The following MBOAT2 variants were observed in gnomAD, a reference collection of about 807,000 sequenced individuals.
MBOAT2 encodes the protein membrane-bound glycerophospholipid O-acyltransferase 2.
In MBOAT2, 28 loss-of-function variants were observed where a neutral mutation model predicts 63.4. That is an observed-to-expected ratio of 0.44 (90% CI 0.33 to 0.61). MBOAT2 has a LOEUF of 0.61. MBOAT2 is among the 20% of genes least tolerant of loss of function. MBOAT2 has a pLI of 0.03. For missense variants in MBOAT2, 470 were observed against 605.8 expected, an observed-to-expected ratio of 0.78 and a Z score of 2.35; for synonymous variants, 211 against 215.6, an observed-to-expected ratio of 0.98 and a Z score of 0.19.
chr2:8,858,058 G>C lies in MBOAT2; in HGVS notation c.*621C>G, dbSNP rs981868013. Reference sequence around the variant, plus strand: ...CAAAATCAGCTACCTATAATTTGGCGTCCATTACTGTTTACAGTTTCACTA... The same window carrying C: ...CAAAATCAGCTACCTATAATTTGGCCTCCATTACTGTTTACAGTTTCACTA... On this transcript the variant is annotated 3_prime_UTR_variant, in exon 13 of 13. Coordinates refer to ENST00000305997, the MANE Select transcript of MBOAT2 (RefSeq NM_138799.4). 1 of 152,606 alleles carries C rather than the reference G, an allele frequency of 6.6e-6. No homozygotes were observed. Among genetic ancestry groups the C allele is most frequent in the Non-Finnish European group, 1.5e-5 (1 of 68,038 alleles). 9.5% of individuals were successfully genotyped at this position (152,606 alleles called of 1,614,324 possible). A position where few individuals can be genotyped will look rare whatever the true frequency, so the allele number is the denominator to read the frequency against.
intron 9 of MBOAT2, among the ~76,000 whole-genome samples, chr2:8,865,993 C>T (rs1356011041): frequency 1.3e-5 from 2 of 151,990 alleles, no homozygotes; most frequent in Non-Finnish European, 2.9e-5. Flanking sequence ...ACCGAAATCG[C>T]GCCACCGCAC....
At chr2:8,926,803 T>C (rs1573071428) in intron 3 of MBOAT2, among the ~76,000 whole-genome samples, 1 of 152,180 alleles carries the variant, frequency 6.6e-6, no homozygotes, top group South Asian at 2.1e-4. Flanking sequence ...GAGATGCAGG[T>C]ACCAGATGGT....
chr2:8,953,068 G>A (rs374545237), intron 2 of MBOAT2, among the ~76,000 whole-genome samples: 4 of 152,112 alleles, frequency 2.6e-5, no homozygotes, highest in African/African-American at 9.7e-5. Flanking sequence ...CAGGGTCTGT[G>A]GGCTATATAT....
At chr2:8,974,522 C>T in intron 1 of MBOAT2, 1 of 433,212 alleles carries the variant, frequency 2.3e-6, no homozygotes, top group Non-Finnish European at 4.7e-6. Flanking sequence ...TTAACCAATC[C>T]AGAAAGCATG....
Position 9,001,924 on chromosome 2 carries a change from T to C in MBOAT2, c.75+1616A>G, listed in dbSNP as rs779058566. Among the ~76,000 whole-genome samples the C allele has an allele frequency of 8.5e-4, 129 of 151,972 alleles. 1 individual carries two copies. Among genetic ancestry groups the C allele is most frequent in the Non-Finnish European group, 1.6e-3 (109 of 68,004 alleles). On this transcript the variant is annotated intron_variant, in intron 1 of 12. Transcript: ENST00000305997. ...CCCATCTCTCTGAAAGAAATGTAAA[T>C]ATATAAACCTATCTCCCTTGCTCCT... is the stretch of plus-strand genomic sequence containing the variant.
chr2:8,888,211 T>C (rs1663707689), intron 4 of MBOAT2, 138 bp from the exon 5 acceptor site: 1 of 726,748 alleles, frequency 1.4e-6, no homozygotes, highest in Non-Finnish European at 2.3e-6. Context: ...CTCCAAGGGA[T>C]TTCAGCAATA....
chr2:8,976,576 CT>C (rs1280756694), intron 1 of MBOAT2, among the ~76,000 whole-genome samples: 3 of 152,162 alleles, frequency 2.0e-5, no homozygotes, highest in African/African-American at 7.2e-5. Flanking sequence ...TCTCCAAACA[CT>C]GTCAAGCTTG....
chr2:8,964,930 T>C (rs1053397042), intron 1 of MBOAT2, among the ~76,000 whole-genome samples: 1 of 152,250 alleles, frequency 6.6e-6, no homozygotes, highest in Admixed American at 6.5e-5. Flanking sequence ...CTTTTTCTCA[T>C]TGACTTCTTT....
At chr2:8,982,453 C>T (rs1166646645) in intron 1 of MBOAT2, among the ~76,000 whole-genome samples, 1 of 152,146 alleles carries the variant, frequency 6.6e-6, no homozygotes, top group East Asian at 1.9e-4. Context: ...CCAATATATA[C>T]TTTGGTCAGA....
chr2:8,896,938 T>C (rs993638137), intron 4 of MBOAT2, among the ~76,000 whole-genome samples: 1 of 152,234 alleles, frequency 6.6e-6, no homozygotes, highest in African/African-American at 2.4e-5. Context: ...TAAGGATTTT[T>C]GATAGGAAGG....
At chr2:8,887,433 G>A (rs1237120595) in intron 5 of MBOAT2, among the ~76,000 whole-genome samples, 2 of 152,104 alleles carry the variant, frequency 1.3e-5, no homozygotes, top group South Asian at 2.1e-4. Flanking sequence ...TGGAGACACA[G>A]TAGGGCTCAA....
At chr2:8,936,786 C>CAAAAAAAAAAAAAAA (rs745694357) in intron 3 of MBOAT2, among the ~76,000 whole-genome samples, 1 of 56,354 alleles carries the variant, frequency 1.8e-5, no homozygotes, top group Admixed American at 2.2e-4. Flanking sequence ...GACTCCGTCT[C>CAAAAAAAAAAAAAAA]AAAAAAAAAA....
intron 1 of MBOAT2, among the ~76,000 whole-genome samples, chr2:8,959,431 T>C (rs944380959): frequency 7.2e-5 from 11 of 151,926 alleles, no homozygotes; most frequent in Admixed American, 5.2e-4. Flanking sequence ...TATGTAAAGA[T>C]AGACTGGAGA....
chr2:8,969,259 T>A (rs1670259490), intron 1 of MBOAT2, among the ~76,000 whole-genome samples: 1 of 152,056 alleles, frequency 6.6e-6, no homozygotes, highest in African/African-American at 2.4e-5. Flanking sequence ...GAATTTCATA[T>A]CCAGCCAAAC....
chr2:8,944,516 GA>G (rs1281830423), intron 2 of MBOAT2, among the ~76,000 whole-genome samples: 4 of 152,080 alleles, frequency 2.6e-5, no homozygotes, highest in Non-Finnish European at 1.5e-5. Flanking sequence ...CTCCAATGTG[GA>G]AAAGTTATGC....
At chr2:8,908,466 T>C (rs1238924436) in intron 4 of MBOAT2, 155 bp downstream of exon 4, 5 of 575,480 alleles carry the variant, frequency 8.7e-6, no homozygotes, top group Non-Finnish European at 1.6e-5. Flanking sequence ...AAAGACTACT[T>C]ACAAGAGAGA....
chr2:8,899,886 T>G (rs2148572756), intron 4 of MBOAT2, among the ~76,000 whole-genome samples: 1 of 152,324 alleles, frequency 6.6e-6, no homozygotes, highest in African/African-American at 2.4e-5. Context: ...GTTGCCAGGT[T>G]TAATAATGCC....
intron 2 of MBOAT2, among the ~76,000 whole-genome samples, chr2:8,958,225 C>G (rs1669362574): frequency 6.6e-6 from 1 of 152,178 alleles, no homozygotes; most frequent in African/African-American, 2.4e-5. Context: ...TAAAGAACTA[C>G]TCATGACAGA....
rs538231138 is a variant in MBOAT2, at chr2:8,867,743, G to C, written c.987+703C>G. On this transcript the variant is annotated intron_variant, in intron 9 of 12. Coordinates refer to ENST00000305997, the MANE Select transcript of MBOAT2 (RefSeq NM_138799.4). ...TTATATGTTTCTAGCCCCACTGGCA[G>C]TATATGGTTTAGGTCACCATTATCT... Among the ~76,000 whole-genome samples, 65 of 152,332 alleles carry C rather than the reference G, an allele frequency of 4.3e-4. No individual in the cohort carries two copies. In the South Asian group the frequency reaches 5.8e-3, roughly 14 times the overall value.
Sources: allele counts gnomAD v4.1 joint callset (sites outside exome capture counted in the v4.1 genomes callset), GRCh38; gene constraint gnomAD v4.1.1; transcripts MANE v1.5; gene names NCBI Gene and HGNC (gene_info 2026-07-23, HGNC 2026-07-21).